C11orf65: variants seen among roughly 807,000 people sequenced by gnomAD.
The protein encoded by C11orf65 is protein MFI.
Under a neutral mutation model 35.3 loss-of-function variants are expected in C11orf65, and 38 were observed. The ratio of observed to expected loss-of-function variants is 1.08; its 90% CI spans 0.83 to 1.41. The LOEUF (loss-of-function observed/expected upper bound fraction) is 1.41, where lower values mean the gene tolerates loss of function less well. C11orf65 is among the 40% of genes most tolerant of loss of function. The pLI, the probability that C11orf65 is intolerant of heterozygous loss-of-function variation, is 0.00. For missense variants in C11orf65, 370 were observed against 367.1 expected (o/e 1.01, Z -0.06); for synonymous variants, 105 against 114.4 (o/e 0.92, Z 0.53).
chr11:108,448,178 G>C lies in C11orf65; in HGVS notation c.81+13301C>G, dbSNP rs56348102. Among the ~76,000 whole-genome samples the C allele has an allele frequency of 2.6e-5, 4 of 152,180 alleles. No individual in the cohort carries two copies. In the South Asian group the frequency reaches 6.2e-4, roughly 24 times the overall value. ...ACCAAAAAAAGTCCAGGACCAGATG[G>C]ATTCACAGCTGAATTCTACCAGAGG... On this transcript the variant is annotated intron_variant, in intron 2 of 8. Transcript: ENST00000393084.
intron 3 of C11orf65, among the ~76,000 whole-genome samples, chr11:108,428,537 C>A (rs939109823): frequency 1.3e-5 from 2 of 152,140 alleles, no homozygotes; most frequent in African/African-American, 4.8e-5. Flanking sequence ...TGGAAACCAT[C>A]ATTCTCAGCA....
At chr11:108,339,317 C>T (rs1028882124) in intron 2 of C11orf65, among the ~76,000 whole-genome samples, 2 of 152,172 alleles carry the variant, frequency 1.3e-5, no homozygotes, top group Non-Finnish European at 2.9e-5. Flanking sequence ...TGCACTTAAC[C>T]TGATCATCCT....
downstream of C11orf65, chr11:108,327,623 A>G (rs563161091): frequency 1.3e-6 from 2 of 1,581,334 alleles, no homozygotes; most frequent in Admixed American, 1.7e-5. Flanking sequence ...TTATATTTTA[A>G]GATTTTGCCT....
intron 2 of C11orf65, among the ~76,000 whole-genome samples, chr11:108,376,013 T>G (rs2138168294): frequency 6.6e-6 from 1 of 152,206 alleles, no homozygotes; most frequent in African/African-American, 2.4e-5. Context: ...ACAAAGAGAC[T>G]TAGACTCCCA....
At chr11:108,327,952 G>A (rs993615449), downstream of C11orf65, among the ~76,000 whole-genome samples, 1 of 152,176 alleles carries the variant, frequency 6.6e-6, no homozygotes, top group Non-Finnish European at 1.5e-5. Flanking sequence ...AATTTTGAAA[G>A]TAAGCCCAAG....
At chr11:108,404,658 C>T (rs1033640608) in intron 6 of C11orf65, among the ~76,000 whole-genome samples, 10 of 151,182 alleles carry the variant, frequency 6.6e-5, no homozygotes, top group Admixed American at 1.3e-4. Flanking sequence ...CTCAATCTCC[C>T]GATCTCGTGA....
In C11orf65 at chr11:108,310,438, T is replaced by C. The variant is rs55933841; in HGVS notation, c.641-1367A>G. On this transcript the variant is annotated intron_variant, in intron 6 of 6. Coordinates refer to the C11orf65 transcript ENST00000525729. ...TAAAAGATATTTTAGATAGAAATTT[T>C]GTTTTAAAGTGAAATTATAATAAAT... 4.2e-4 allele frequency: 390 copies of C among 918,246 alleles called. 2 individuals are homozygous for C. In the African/African-American group the frequency reaches 6.1e-3, roughly 14 times the overall value. The allele number at this position is 918,246 out of a possible 1,614,324, so 56.9% of individuals were successfully genotyped here.
Position 108,406,954 on chromosome 11 carries a change from G to GA in C11orf65, c.237dup (p.Pro80SerfsTer3). The GA allele has an allele frequency of 1.9e-6, 3 of 1,607,100 alleles. No homozygotes were observed. The highest frequency in any genetic ancestry group is 2.6e-6 in the Non-Finnish European group (3 of 1,174,352). On this transcript the variant is annotated frameshift_variant, in exon 5 of 9. Coordinates refer to ENST00000393084, the MANE Select transcript of C11orf65 (RefSeq NM_152587.5). LOFTEE classifies it high-confidence loss of function. ...AAAATCTTATAGTATATATCAGGTGGAAATTTAACCTGTAGAAGGAAAAGT... is the reference window on the plus strand; with the variant it reads ...AAAATCTTATAGTATATATCAGGTGGAAAATTTAACCTGTAGAAGGAAAAGT...
intron 2 of C11orf65, among the ~76,000 whole-genome samples, chr11:108,445,269 G>A (rs1215658797): frequency 2.0e-5 from 3 of 152,174 alleles, no homozygotes; most frequent in African/African-American, 7.2e-5. Context: ...GGTTCTCCCA[G>A]CATGCAGCTG....
chr11:108,340,187 T>C (rs2087367083), intron 2 of C11orf65: 1 of 152,214 alleles, frequency 6.6e-6, no homozygotes, highest in African/African-American at 2.4e-5. Context: ...ATGGAAAATT[T>C]CAAACATACA....
At chr11:108,366,177 C>G in intron 2 of C11orf65, 1 of 194,164 alleles carries the variant, frequency 5.2e-6, no homozygotes, top group East Asian at 8.2e-5. Context: ...ATTAAAACTT[C>G]TCATTCTATT....
chr11:108,412,386 TA>T (rs2092673465), intron 3 of C11orf65, among the ~76,000 whole-genome samples: 1 of 152,000 alleles, frequency 6.6e-6, no homozygotes, highest in African/African-American at 2.4e-5. Flanking sequence ...TCAATAACTT[TA>T]AATGTCAATG....
chr11:108,331,609 C>G (rs1425790126), intron 3 of C11orf65: 2 of 1,440,210 alleles, frequency 1.4e-6, no homozygotes, highest in East Asian at 5.3e-5. Context: ...TCTATTATTA[C>G]TATATATTAT....
intron 2 of C11orf65, among the ~76,000 whole-genome samples, chr11:108,441,212 C>G (rs776698504): frequency 2.0e-5 from 3 of 152,222 alleles, no homozygotes; most frequent in Non-Finnish European, 4.4e-5. Context: ...CCCACGGAAC[C>G]TTGCTCACTA....
At chr11:108,324,546 G>A (rs2085469586) in intron 6 of C11orf65, among the ~76,000 whole-genome samples, 1 of 152,048 alleles carries the variant, frequency 6.6e-6, no homozygotes, top group South Asian at 2.1e-4. Context: ...TTTGAGACCT[G>A]CTGTGGTAGG....
downstream of C11orf65, among the ~76,000 whole-genome samples, chr11:108,380,924 C>G (rs958937057): frequency 4.6e-5 from 7 of 152,028 alleles, no homozygotes; most frequent in African/African-American, 1.7e-4. Context: ...GGCTTTCTGA[C>G]CAAGGGACCA....
downstream of C11orf65, among the ~76,000 whole-genome samples, chr11:108,380,282 T>C (rs1382193945): frequency 1.3e-5 from 2 of 152,268 alleles, no homozygotes; most frequent in Non-Finnish European, 2.9e-5. Context: ...TTGAGCACTA[T>C]ACTTGGTCAT....
In C11orf65 at chr11:108,312,424, G is replaced by T. The variant is rs587779852; in HGVS notation, c.641-3353C>A. On this transcript the variant is annotated intron_variant, in intron 6 of 6. Coordinates refer to the C11orf65 transcript ENST00000525729. ...TGTGACAAACAGAAGTCTTGCATTT[G>T]AAGAAGGAAGCCAGAGTACAACTAT... The T allele has an allele frequency of 1.7e-5, 27 of 1,595,290 alleles. No individual in the cohort carries two copies. The highest frequency in any genetic ancestry group is 2.2e-5 in the Non-Finnish European group (26 of 1,163,258).
intron 3 of C11orf65, among the ~76,000 whole-genome samples, chr11:108,412,349 A>G (rs1012483463): frequency 9.2e-5 from 14 of 152,218 alleles, no homozygotes; most frequent in African/African-American, 3.4e-4. Context: ...AACAATTACA[A>G]ATACAATAAA....
Sources: allele counts gnomAD v4.1 joint callset (sites outside exome capture counted in the v4.1 genomes callset), GRCh38; gene constraint gnomAD v4.1.1; transcripts MANE v1.5; gene names NCBI Gene and HGNC (gene_info 2026-07-23, HGNC 2026-07-21).